The following INPP5A variants were observed in gnomAD, a reference collection of about 807,000 sequenced individuals.
INPP5A encodes 43 kDa inositol polyphosphate 5-phophatase.
In INPP5A, 14 loss-of-function variants were observed where a neutral mutation model predicts 65.2. That is an observed-to-expected ratio of 0.21 (90% CI 0.14 to 0.34). The LOEUF (loss-of-function observed/expected upper bound fraction) is 0.34, where lower values mean the gene tolerates loss of function less well. Ranked by LOEUF, INPP5A falls within the 10% of genes least tolerant of loss-of-function variation. INPP5A has a pLI of 1.00. For missense variants in INPP5A, 431 were observed against 545.6 expected (o/e 0.79, Z 2.09); for synonymous variants, 207 against 208.3 (o/e 0.99, Z 0.05).
At chr10:132,777,845 C>T in intron 13 of INPP5A, 63 bp downstream of exon 13, 3 of 1,581,546 alleles carry the variant, frequency 1.9e-6, no homozygotes, top group Non-Finnish European at 2.6e-6. Flanking sequence ...CTGGTCTGGC[C>T]CAGCCCTGGT....
Position 132,627,167 on chromosome 10 carries a change from C to T in INPP5A, c.118-18701C>T, listed in dbSNP as rs925378832. Among the ~76,000 whole-genome samples, 13 of 151,836 alleles carry T rather than the reference C, an allele frequency of 8.6e-5. No individual in the cohort carries two copies. Among genetic ancestry groups the T allele is most frequent in the South Asian group, 6.2e-4 (3 of 4,820 alleles). On this transcript the variant is annotated intron_variant, in intron 2 of 15. Coordinates refer to ENST00000368594, the MANE Select transcript of INPP5A (RefSeq NM_005539.5). The surrounding 1 kb of genome is among the most constrained non-coding windows in gnomAD (Gnocchi z 6.6). ...GACCCTCACCAGGAACCAAACCGGC[C>T]GGCTTCTTGGCCTCAGACTGACAGC...
chr10:132,642,633 A>C (rs1190583463), intron 2 of INPP5A, among the ~76,000 whole-genome samples: 1 of 152,170 alleles, frequency 6.6e-6, no homozygotes, highest in Admixed American at 6.5e-5. Context: ...CTGTTTGAGC[A>C]GGCCTGGCCT....
chr10:132,604,111 C>T (rs1330203684), intron 1 of INPP5A, among the ~76,000 whole-genome samples: 1 of 147,600 alleles, frequency 6.8e-6, no homozygotes, highest in Non-Finnish European at 1.5e-5. Context: ...GTCAGGGTCC[C>T]CTCTCCGGCG....
Position 132,782,158 on chromosome 10 carries a change from C to G in INPP5A, c.*129C>G, listed in dbSNP as rs1847175147. 1 of 1,476,978 alleles carries G rather than the reference C, an allele frequency of 6.8e-7. No individual in the cohort carries two copies. Among genetic ancestry groups the G allele is most frequent in the African/African-American group, 1.4e-5 (1 of 71,470 alleles). 91.5% of individuals were successfully genotyped at this position (1,476,978 alleles called of 1,614,324 possible). ...AAGCGCCACCTGCTAGACGGCCAGC[C>G]CCACACTTCGCTTCAGCCTCCGGAC... On this transcript the variant is annotated 3_prime_UTR_variant, in exon 16 of 16. Coordinates refer to ENST00000368594, the MANE Select transcript of INPP5A (RefSeq NM_005539.5). The surrounding 1 kb of genome is among the most constrained non-coding windows in gnomAD (Gnocchi z 4.4).
At chr10:132,780,038 G>A (rs1481535669) in intron 13 of INPP5A, among the ~76,000 whole-genome samples, 2 of 152,282 alleles carry the variant, frequency 1.3e-5, no homozygotes, top group African/African-American at 2.4e-5. Flanking sequence ...CGCTTCACCC[G>A]CGAGAGGCGG....
rs1403144934 is a variant in INPP5A at position 132,651,502 on chromosome 10, C to T, written c.306+997C>T. 6.6e-6 allele frequency among the ~76,000 whole-genome samples: 1 copy of T among 152,006 alleles called. No individual in the cohort carries two copies. Among genetic ancestry groups the T allele is most frequent in the East Asian group, 1.9e-4 (1 of 5,154 alleles). ...CCCATCTCTGGGGAGGCCCTGGGTCCCCCGGCCTGGTTCCATCTCCCCCGT... is the reference window on the plus strand; with the variant it reads ...CCCATCTCTGGGGAGGCCCTGGGTCTCCCGGCCTGGTTCCATCTCCCCCGT... On this transcript the variant is annotated intron_variant, in intron 4 of 15. Coordinates refer to ENST00000368594, the MANE Select transcript of INPP5A (RefSeq NM_005539.5). The surrounding 1 kb of genome is among the most constrained non-coding windows in gnomAD (Gnocchi z 5.0).
At chr10:132,591,609 C>T (rs761435710) in intron 1 of INPP5A, among the ~76,000 whole-genome samples, 2 of 152,242 alleles carry the variant, frequency 1.3e-5, no homozygotes, top group Non-Finnish European at 2.9e-5. Flanking sequence ...GCCTTCTCTT[C>T]CAGCAGGCCT....
intron 4 of INPP5A, among the ~76,000 whole-genome samples, chr10:132,653,285 C>A (rs2072604329): frequency 6.6e-6 from 1 of 152,064 alleles, no homozygotes; most frequent in Non-Finnish European, 1.5e-5. Flanking sequence ...GCGGCTGCCT[C>A]CACACCTGGC....
At chr10:132,633,264 C>T (rs1356920023) in intron 2 of INPP5A, among the ~76,000 whole-genome samples, 2 of 152,206 alleles carry the variant, frequency 1.3e-5, no homozygotes, top group Non-Finnish European at 2.9e-5. Context: ...AGTCATTGCT[C>T]ATCAGTGAAG....
chr10:132,578,442 T>A (rs372480390), intron 1 of INPP5A, among the ~76,000 whole-genome samples: 4 of 130,040 alleles, frequency 3.1e-5, no homozygotes, highest in African/African-American at 1.1e-4. Context: ...CCCCGGCAGG[T>A]GAAGGTGAGC....
At chr10:132,689,114 TACTC>T (rs1251815920) in intron 4 of INPP5A, among the ~76,000 whole-genome samples, 9 of 152,232 alleles carry the variant, frequency 5.9e-5, no homozygotes, top group Non-Finnish European at 1.2e-4. Context: ...AATGAGGTGA[TACTC>T]AGGCGTTGCC....
intron 9 of INPP5A, among the ~76,000 whole-genome samples, chr10:132,732,749 C>T (rs927148713): frequency 9.2e-5 from 14 of 152,188 alleles, no homozygotes; most frequent in African/African-American, 3.4e-4. Flanking sequence ...CTCAGTGCTG[C>T]GTGGCACCTC....
intron 4 of INPP5A, among the ~76,000 whole-genome samples, chr10:132,658,955 G>A (rs141139505): frequency 3.1e-3 from 473 of 152,224 alleles, no homozygotes; most frequent in African/African-American, 9.7e-3. Flanking sequence ...GCGCTTCCTC[G>A]TGGGTGCTCA....
chr10:132,596,942 T>TGCATGTGTGCGCGCATGTGC (rs1564929040), intron 1 of INPP5A, among the ~76,000 whole-genome samples: 351 of 30,800 alleles, frequency 0.011, 2 homozygotes, highest in African/African-American at 0.036. Context: ...CACGCATGTG[T>TGCATGTGTGCGCGCATGTGC]GCGTGTGTGC....
At chr10:132,620,476 C>T (rs2072094525) in intron 2 of INPP5A, among the ~76,000 whole-genome samples, 1 of 152,202 alleles carries the variant, frequency 6.6e-6, no homozygotes, top group Non-Finnish European at 1.5e-5. Flanking sequence ...CACTTTGCTG[C>T]TTAGAAATTT....
At chr10:132,761,866 A>G (rs543870557) in intron 11 of INPP5A, among the ~76,000 whole-genome samples, 37 of 152,370 alleles carry the variant, frequency 2.4e-4, no homozygotes, top group Middle Eastern at 3.4e-3. Flanking sequence ...ATAATGCCAA[A>G]TCATCGAATA....
intron 2 of INPP5A, among the ~76,000 whole-genome samples, chr10:132,636,163 A>ATG (rs59663030): frequency 0.081 from 12,078 of 149,676 alleles, 507 homozygotes; most frequent in Middle Eastern, 0.11. Context: ...GATAAACAAA[A>ATG]TGTGTGTGTG....
intron 1 of INPP5A, among the ~76,000 whole-genome samples, chr10:132,590,164 G>A (rs1035797566): frequency 3.3e-5 from 5 of 152,210 alleles, no homozygotes; most frequent in South Asian, 2.1e-4. Flanking sequence ...GGCGAGGGAC[G>A]CCAGGGATGC....
intron 1 of INPP5A, among the ~76,000 whole-genome samples, chr10:132,558,162 C>T (rs1276535499): frequency 6.6e-6 from 1 of 152,198 alleles, no homozygotes; most frequent in African/African-American, 2.4e-5. Flanking sequence ...GAGGTGTCAG[C>T]AGGGAAGGGG....
Sources: allele counts gnomAD v4.1 joint callset (sites outside exome capture counted in the v4.1 genomes callset), GRCh38; gene constraint gnomAD v4.1.1; non-coding constraint Gnocchi (gnomAD v3.1); transcripts MANE v1.5; gene names NCBI Gene and HGNC (gene_info 2026-07-23, HGNC 2026-07-21).